SORCS2: variants seen among roughly 807,000 people sequenced by gnomAD.
SORCS2 encodes the protein sortilin related VPS10 domain containing receptor 2, also known as VPS10 domain-containing receptor SorCS2.
Under a neutral mutation model 141.6 loss-of-function variants are expected in SORCS2, and 100 were observed. The observed-to-expected ratio is 0.71, with a 90% CI of 0.60 to 0.83. The LOEUF is 0.83. Ranked by LOEUF, SORCS2 falls within the 40% of genes least tolerant of loss-of-function variation. SORCS2 has a pLI of 0.00. For missense variants in SORCS2, 1,646 were observed against 1,560.2 expected (o/e 1.05, Z -0.93); for synonymous variants, 789 against 676.9 (o/e 1.17, Z -2.57).
chr4:7,344,946 G>C (rs1720572313), intron 1 of SORCS2, among the ~76,000 whole-genome samples: 1 of 152,074 alleles, frequency 6.6e-6, no homozygotes, highest in Non-Finnish European at 1.5e-5. Context: ...CCAGACCCCA[G>C]TCTCATTCTC....
At chr4:7,289,441 A>C (rs949269013) in intron 1 of SORCS2, among the ~76,000 whole-genome samples, 3 of 152,156 alleles carry the variant, frequency 2.0e-5, no homozygotes, top group Non-Finnish European at 2.9e-5. Flanking sequence ...AGAGCCTGCC[A>C]CCCTGCCTAG....
intron 2 of SORCS2, among the ~76,000 whole-genome samples, chr4:7,457,977 C>T (rs1247042285): frequency 6.6e-6 from 1 of 152,122 alleles, no homozygotes; most frequent in Non-Finnish European, 1.5e-5. Flanking sequence ...CCCGAGAGGC[C>T]GTAGGGCAGG....
At chr4:7,695,936 GTGGGTGGATGGATGGA>G (rs530229419) in intron 11 of SORCS2, among the ~76,000 whole-genome samples, 5,338 of 76,186 alleles carry the variant, frequency 0.07, 391 homozygotes, top group Non-Finnish European at 0.098. Context: ...TGGTGGGTGG[GTGGGTGGATGGATGGA>G]TGGATGGATG....
At chr4:7,590,006 G>C (rs1040658213) in intron 3 of SORCS2, among the ~76,000 whole-genome samples, 1 of 152,216 alleles carries the variant, frequency 6.6e-6, no homozygotes, top group Non-Finnish European at 1.5e-5. Context: ...ACATGAGAGA[G>C]AAAGGGCTGG....
rs182174174 is a variant in SORCS2, at chr4:7,426,270, C to T, written c.548+29915C>T. Among the ~76,000 whole-genome samples, 13 of 149,168 alleles carry T rather than the reference C, an allele frequency of 8.7e-5. No individual in the cohort carries two copies. In the East Asian group the frequency reaches 2.1e-3, roughly 25 times the overall value. ...TTTTTCCCCACCCTCAATGAGTGGC[C>T]CATCGGATCCCGGGGCTGGTGGCTT... On this transcript the variant is annotated intron_variant, in intron 2 of 26. Coordinates refer to ENST00000507866, the MANE Select transcript of SORCS2 (RefSeq NM_020777.3).
intron 16 of SORCS2, 119 bp from the exon 17 acceptor site, chr4:7,715,064 G>A: frequency 7.3e-7 from 1 of 1,372,266 alleles, no homozygotes; most frequent in Non-Finnish European, 1.0e-6. Context: ...ACAGATGGGT[G>A]CATAGCAGGC....
intron 2 of SORCS2, among the ~76,000 whole-genome samples, chr4:7,423,323 G>C (rs1726214495): frequency 6.6e-6 from 1 of 152,182 alleles, no homozygotes; most frequent in Non-Finnish European, 1.5e-5. Context: ...TGCTCCATTA[G>C]GTGACAGGCT....
chr4:7,687,583 A>T (rs964694077), intron 10 of SORCS2, among the ~76,000 whole-genome samples: 3 of 152,066 alleles, frequency 2.0e-5, no homozygotes, highest in Non-Finnish European at 2.9e-5. Flanking sequence ...GCCCTGTGGT[A>T]TTCAGCTCCG....
chr4:7,494,986 A>G (rs1168764738), intron 2 of SORCS2, among the ~76,000 whole-genome samples: 2 of 152,140 alleles, frequency 1.3e-5, no homozygotes, highest in Non-Finnish European at 2.9e-5. Flanking sequence ...TTGTGAACAC[A>G]CCATTTCTCC....
intron 1 of SORCS2, among the ~76,000 whole-genome samples, chr4:7,378,492 G>T (rs1397891526): frequency 6.6e-6 from 1 of 152,180 alleles, no homozygotes; most frequent in African/African-American, 2.4e-5. Context: ...GAAGTGCCAA[G>T]CGAAGGGGGA....
chr4:7,376,250 A>T (rs1245604141), intron 1 of SORCS2, among the ~76,000 whole-genome samples: 3 of 148,300 alleles, frequency 2.0e-5, no homozygotes, highest in African/African-American at 7.5e-5. Context: ...CTTATTATAG[A>T]AAAGCTGGAA....
intron 3 of SORCS2, among the ~76,000 whole-genome samples, chr4:7,607,340 C>T (rs1280792863): frequency 1.1e-4 from 17 of 152,150 alleles, no homozygotes; most frequent in Non-Finnish European, 1.8e-4. Context: ...CCTGAAGCCA[C>T]GTGGATCCTC....
intron 1 of SORCS2, among the ~76,000 whole-genome samples, chr4:7,222,484 G>T (rs1728766282): frequency 1.3e-5 from 2 of 151,170 alleles, no homozygotes; most frequent in Non-Finnish European, 2.9e-5. Context: ...CTGGCAGAGA[G>T]CGGGGCATGG....
intron 1 of SORCS2, among the ~76,000 whole-genome samples, chr4:7,207,676 C>T (rs1215167242): frequency 6.6e-6 from 1 of 152,184 alleles, no homozygotes; most frequent in African/African-American, 2.4e-5. Flanking sequence ...CACTGTTGTC[C>T]CCTAATCAGA....
intron 1 of SORCS2, among the ~76,000 whole-genome samples, chr4:7,332,449 T>C (rs1359510012): frequency 6.6e-6 from 1 of 152,218 alleles, no homozygotes; most frequent in Non-Finnish European, 1.5e-5. Flanking sequence ...CCTCTGCTTC[T>C]GTCCAGGGGA....
chr4:7,256,405 C>T (rs886891484), intron 1 of SORCS2, among the ~76,000 whole-genome samples: 2 of 152,182 alleles, frequency 1.3e-5, no homozygotes, highest in Admixed American at 1.3e-4. Context: ...AAACAAAACA[C>T]CATGTGTGAC....
At chr4:7,655,297 A>C (rs933053153) in intron 5 of SORCS2, among the ~76,000 whole-genome samples, 2 of 152,104 alleles carry the variant, frequency 1.3e-5, no homozygotes, top group South Asian at 4.1e-4. Flanking sequence ...CGCAGGCCAC[A>C]GCCTGGTCTC....
chr4:7,381,731 C>G (rs1415392178), intron 1 of SORCS2, among the ~76,000 whole-genome samples: 1 of 152,248 alleles, frequency 6.6e-6, no homozygotes, highest in Non-Finnish European at 1.5e-5. Flanking sequence ...AGGGTCATTC[C>G]TGACTCCCGC....
chr4:7,693,183 TCTTCCTC>T (rs1360884329), intron 11 of SORCS2, among the ~76,000 whole-genome samples: 1 of 17,698 alleles, frequency 5.7e-5, no homozygotes, highest in Non-Finnish European at 1.2e-4. Flanking sequence ...CTTCACCCTT[TCTTCCTC>T]ATCTTCACCC....
Sources: gnomAD v4.1 joint callset for allele counts (sites outside exome capture counted in the v4.1 genomes callset) on GRCh38, gnomAD v4.1.1 for gene constraint, MANE v1.5 for transcripts, NCBI Gene and HGNC (gene_info 2026-07-23, HGNC 2026-07-21) for gene names.